The following RFWD3 variants were observed in gnomAD, a reference collection of about 807,000 sequenced individuals.
RFWD3 encodes E3 ubiquitin-protein ligase RFWD3.
RFWD3 carries 65 observed loss-of-function variants against 87.7 expected under a neutral mutation model. The observed-to-expected ratio is 0.74, with a 90% CI of 0.61 to 0.91. The LOEUF is 0.91. Ranked by LOEUF, RFWD3 falls within the 40% of genes least tolerant of loss-of-function variation. The pLI is 0.00. For synonymous variants in RFWD3, 433 were observed against 352.8 expected, an observed-to-expected ratio of 1.23 and a Z score of -2.55; for missense variants, 1,078 against 938.5, an observed-to-expected ratio of 1.15 and a Z score of -1.94.
At chr16:74,647,972 A>G (rs1344918448) in intron 4 of RFWD3, among the ~76,000 whole-genome samples, 2 of 151,912 alleles carry the variant, frequency 1.3e-5, no homozygotes, top group Non-Finnish European at 2.9e-5. Flanking sequence ...TTTTATTGAG[A>G]CAGGGTCTCA....
Position 74,623,747 on chromosome 16 carries a change from AACAGATAC to A in RFWD3, c.*173_*180del, listed in dbSNP as rs1451251109. The A allele has an allele frequency of 5.0e-6, 3 of 598,090 alleles. No individual in the cohort carries two copies. The Admixed American group carries it at 9.7e-5, about 19-fold the overall frequency. The allele number at this position is 598,090 out of a possible 1,614,324, so 37.0% of individuals were successfully genotyped here. ...CATCAATTACTCTTTTAGTGGACAT[AACAGATAC>A]ACAATCTGTAGTGTCTCAGTGACCT... On this transcript the variant is annotated 3_prime_UTR_variant, in exon 13 of 13. Transcript: ENST00000361070.
chr16:74,663,554 A>G (rs1458125509), intron 1 of RFWD3, among the ~76,000 whole-genome samples: 2 of 152,164 alleles, frequency 1.3e-5, no homozygotes, highest in African/African-American at 4.8e-5. Context: ...ATTCTAATAA[A>G]CATAGTGGAC....
chr16:74,652,146 A>G (rs1335194095), intron 2 of RFWD3, 24 bp from the exon 3 acceptor site: 1 of 1,598,286 alleles, frequency 6.3e-7, no homozygotes, highest in South Asian at 1.1e-5. Context: ...AAGACAACGG[A>G]ATTATAGTAC....
In RFWD3 at chr16:74,649,152, C is replaced by A; in HGVS notation, c.772G>T (p.Gly258Cys). Residue 258 changes from glycine to cysteine, a missense_variant, in exon 4 of 13, where the codon GGC becomes TGC. Physicochemically the swap from Gly to Cys is radical, Grantham distance 159. Coordinates refer to ENST00000361070, the MANE Select transcript of RFWD3 (RefSeq NM_018124.4). ...AEQEVTCIDG[G>C]KTLPKQPSPQ... ...ATTACCTGTTTGGGGAGGGTCTTGC[C>A]TCCATCGATACATGTAACTTCTTGC... is the stretch of plus-strand genomic sequence containing the variant. 1 of 1,571,874 alleles carries A rather than the reference C, an allele frequency of 6.4e-7. No homozygotes were observed. The highest frequency in any genetic ancestry group is 8.6e-7 in the Non-Finnish European group (1 of 1,166,074).
chr16:74,632,701 G>C lies in RFWD3; in HGVS notation c.1427-28C>G, dbSNP rs1298536717. ...GAAAAAGGCAAAATAGTATGAAATA[G>C]ATCACTGAAAGTGAACCTAGGGCAA... On this transcript the variant is annotated intron_variant, in intron 8 of 12. Coordinates refer to ENST00000361070, the MANE Select transcript of RFWD3 (RefSeq NM_018124.4). 3 of 1,610,166 alleles carry C rather than the reference G, an allele frequency of 1.9e-6. No homozygotes were observed. The South Asian group carries it at 3.3e-5, about 18-fold the overall frequency.
At chr16:74,626,747 T>A (rs1279663585) in intron 11 of RFWD3, among the ~76,000 whole-genome samples, 193 bp from the exon 12 acceptor site, 1 of 152,126 alleles carries the variant, frequency 6.6e-6, no homozygotes, top group African/African-American at 2.4e-5. Context: ...TAGGCTAGCA[T>A]CAGTGAAATT....
intron 2 of RFWD3, 63 bp from the exon 3 acceptor site, chr16:74,652,185 T>C (rs995734581): frequency 7.0e-5 from 101 of 1,446,222 alleles, no homozygotes; most frequent in Non-Finnish European, 9.0e-5. Flanking sequence ...AAACAATCTA[T>C]AGTGATTTGA....
intron 1 of RFWD3, chr16:74,666,220 A>AGATAGATAGATAGATAGATT (rs1195587029): frequency 7.0e-6 from 1 of 142,954 alleles, no homozygotes; most frequent in Admixed American, 7.1e-5. Context: ...ATAGATAGAT[A>AGATAGATAGATAGATAGATT]GATTGATTAG....
At chr16:74,660,029 T>TG (rs146290188) in intron 2 of RFWD3, among the ~76,000 whole-genome samples, 19,044 of 152,114 alleles carry the variant, frequency 0.13, 1,460 homozygotes, top group Admixed American at 0.24. Context: ...CACTCCAGCC[T>TG]GGGGAGCACA....
At chr16:74,639,615 T>C (rs1044929253) in intron 6 of RFWD3, among the ~76,000 whole-genome samples, 2 of 152,260 alleles carry the variant, frequency 1.3e-5, no homozygotes, top group African/African-American at 4.8e-5. Flanking sequence ...TACCCTATAA[T>C]AATTTTTAAT....
chr16:74,641,821 G>A (rs563128339), intron 6 of RFWD3, among the ~76,000 whole-genome samples: 3 of 149,460 alleles, frequency 2.0e-5, no homozygotes, highest in South Asian at 2.1e-4. Context: ...GGCTACTTGG[G>A]AGACTGAGGC....
intron 8 of RFWD3, among the ~76,000 whole-genome samples, chr16:74,634,311 T>C (rs1959175678): frequency 1.3e-5 from 2 of 152,044 alleles, no homozygotes; most frequent in Non-Finnish European, 2.9e-5. Context: ...ACCAATAACC[T>C]TTTAAAACTT....
rs774953889 is a variant in RFWD3 at position 74,624,091 on chromosome 16, G to A, written c.2182-20C>T. The A allele has an allele frequency of 1.2e-6, 2 of 1,611,546 alleles. No homozygotes were observed. The highest frequency in any genetic ancestry group is 2.2e-5 in the East Asian group (1 of 44,816). On this transcript the variant is annotated intron_variant, in intron 12 of 12. Transcript: ENST00000361070. ...CCACAGCTAAAGAACACAAGCAGAG[G>A]GAAGGGTCAGGAGTCAGTCAGTACA...
At chr16:74,666,730 G>A (rs58136167) in intron 1 of RFWD3, 56 bp downstream of exon 1, 106,655 of 152,028 alleles carry the variant, frequency 0.7, 38,004 homozygotes, top group African/African-American at 0.82. Flanking sequence ...GGCGTGGGGA[G>A]GTTTATCCCG....
At chr16:74,635,266 G>T (rs1229785829) in intron 8 of RFWD3, among the ~76,000 whole-genome samples, 3 of 151,270 alleles carry the variant, frequency 2.0e-5, no homozygotes, top group African/African-American at 7.3e-5. Context: ...CTAGGCGAAA[G>T]AGCGAGACTC....
chr16:74,648,935 T>C (rs1960372306), intron 4 of RFWD3, among the ~76,000 whole-genome samples, 197 bp downstream of exon 4: 2 of 151,970 alleles, frequency 1.3e-5, no homozygotes, highest in Non-Finnish European at 2.9e-5. Context: ...ATAAAAAATG[T>C]AGCCGAGTGT....
At chr16:74,664,503 C>G (rs1413043533) in intron 1 of RFWD3, 1 of 152,204 alleles carries the variant, frequency 6.6e-6, no homozygotes, top group East Asian at 1.9e-4. Context: ...ATAATCCCAG[C>G]ACTTTGGGAG....
rs1259762202 is a variant in RFWD3 at position 74,628,591 on chromosome 16, T to C, written c.1830A>G (p.Gly610=). ...CCCAGAATGAAGCATCCTCCAAGGT[T>C]CCAGCCAGCACCCCACCATATGGAA... ...AAFPYGGVLA[G]TLEDASFWEQ... Residue 610 remains glycine (G), a synonymous_variant, in exon 11 of 13, where the codon GGA becomes GGG. Coordinates refer to ENST00000361070, the MANE Select transcript of RFWD3 (RefSeq NM_018124.4). The C allele has an allele frequency of 1.9e-6, 3 of 1,614,050 alleles. No homozygotes were observed. The highest frequency in any genetic ancestry group is 2.5e-6 in the Non-Finnish European group (3 of 1,180,048).
chr16:74,626,245 TGC>T, intron 12 of RFWD3, 96 bp downstream of exon 12: 1 of 1,030,500 alleles, frequency 9.7e-7, no homozygotes, highest in Admixed American at 1.8e-5. Context: ...TACACTTTTT[TGC>T]TATATGAGCT....
Sources: allele counts gnomAD v4.1 joint callset (sites outside exome capture counted in the v4.1 genomes callset), GRCh38; gene constraint gnomAD v4.1.1; transcripts MANE v1.5; gene names NCBI Gene and HGNC (gene_info 2026-07-23, HGNC 2026-07-21).